Variants in TCF12 observed in about 807,000 individuals in gnomAD.
The protein encoded by TCF12 is transcription factor 12, also known as DNA-binding protein HTF4.
A neutral mutation model predicts 86.0 loss-of-function variants in TCF12; 45 were observed. The observed-to-expected ratio is 0.52, with a 90% CI of 0.41 to 0.67. The LOEUF is 0.67. TCF12 is among the 30% of genes least tolerant of loss of function. TCF12 has a pLI of 0.00. For synonymous variants in TCF12, 330 were observed against 299.6 expected (o/e 1.10, Z -1.05); for missense variants, 881 against 859.9 (o/e 1.02, Z -0.31).
chr15:56,960,677 G>A (rs2061707566), intron 3 of TCF12, among the ~76,000 whole-genome samples: 3 of 151,560 alleles, frequency 2.0e-5, no homozygotes, highest in Admixed American at 2.0e-4. Context: ...TGATCTGCCT[G>A]CCTCGGCTTT....
chr15:57,242,226 G>GT (rs2059665761), intron 12 of TCF12, among the ~76,000 whole-genome samples: 2 of 152,144 alleles, frequency 1.3e-5, no homozygotes, highest in Non-Finnish European at 2.9e-5. Context: ...CTCACAAGTA[G>GT]TTTTCCTTTT....
chr15:57,230,052 G>A (rs527693821), intron 8 of TCF12, among the ~76,000 whole-genome samples: 33 of 151,856 alleles, frequency 2.2e-4, no homozygotes, highest in Non-Finnish European at 3.7e-4. Context: ...TAAAGTAAAA[G>A]TCTTCCTTCC....
intron 3 of TCF12, among the ~76,000 whole-genome samples, chr15:56,958,890 C>T (rs975460280): frequency 6.6e-6 from 1 of 151,924 alleles, no homozygotes; most frequent in South Asian, 2.1e-4. Context: ...AAAATAAATT[C>T]AGCTTTTAAT....
At chr15:57,290,086 T>A (rs1465877499), downstream of TCF12, among the ~76,000 whole-genome samples, 1 of 151,864 alleles carries the variant, frequency 6.6e-6, no homozygotes, top group Non-Finnish European at 1.5e-5. Context: ...GGCTCACGCC[T>A]GTAATCTCAG....
intron 3 of TCF12, among the ~76,000 whole-genome samples, chr15:56,939,975 T>G (rs1218915812): frequency 2.0e-5 from 2 of 100,328 alleles, no homozygotes. Flanking sequence ...GTGTTTTTTT[T>G]TTTTTTTTTT....
chr15:57,029,271 T>G (rs545302614), intron 3 of TCF12, among the ~76,000 whole-genome samples: 8 of 152,300 alleles, frequency 5.3e-5, no homozygotes, highest in African/African-American at 1.7e-4. Flanking sequence ...TTGAAAATCA[T>G]TTGACCACAT....
At chr15:57,212,882 T>G (rs796303906) in intron 8 of TCF12, among the ~76,000 whole-genome samples, 2 of 152,172 alleles carry the variant, frequency 1.3e-5, no homozygotes, top group African/African-American at 4.8e-5. Context: ...TTTAGTGCTC[T>G]TTCGCGTTAC....
At chr15:57,177,482 G>A (rs1260505682) in intron 6 of TCF12, among the ~76,000 whole-genome samples, 2 of 151,908 alleles carry the variant, frequency 1.3e-5, no homozygotes, top group African/African-American at 4.8e-5. Flanking sequence ...TGTTGGCCAG[G>A]CTGCTCTCGA....
At chr15:57,018,269 A>T (rs2065267475) in intron 3 of TCF12, among the ~76,000 whole-genome samples, 1 of 152,178 alleles carries the variant, frequency 6.6e-6, no homozygotes, top group Non-Finnish European at 1.5e-5. Context: ...AATTTTTGTT[A>T]GTTTACAGAA....
intron 6 of TCF12, among the ~76,000 whole-genome samples, chr15:57,166,734 A>T (rs59239112): frequency 6.6e-6 from 1 of 152,170 alleles, no homozygotes; most frequent in Non-Finnish European, 1.5e-5. Context: ...CATTTCTGAG[A>T]AATTTTTTTG....
At chr15:57,177,963 A>T (rs141847042) in intron 6 of TCF12, among the ~76,000 whole-genome samples, 17 of 152,110 alleles carry the variant, frequency 1.1e-4, no homozygotes, top group African/African-American at 4.1e-4. Flanking sequence ...CTCCATGAAA[A>T]TTGATGATTA....
chr15:57,159,406 A>G (rs1265117316), intron 5 of TCF12, among the ~76,000 whole-genome samples: 1 of 152,214 alleles, frequency 6.6e-6, no homozygotes, highest in African/African-American at 2.4e-5. Flanking sequence ...ATTTGCCCAC[A>G]AAAGAGGAGC....
chr15:57,034,942 A>G (rs1036604514), intron 3 of TCF12, among the ~76,000 whole-genome samples: 13 of 152,208 alleles, frequency 8.5e-5, no homozygotes, highest in Admixed American at 8.5e-4. Flanking sequence ...TTTTAGGAAC[A>G]TATAATTTCC....
At chr15:57,158,279 G>A (rs938377859) in intron 5 of TCF12, among the ~76,000 whole-genome samples, 1 of 149,750 alleles carries the variant, frequency 6.7e-6, no homozygotes, top group Admixed American at 6.7e-5. Context: ...CCTGGGCTCA[G>A]GTGATTCTCC....
chr15:57,021,294 T>C (rs1367954263), intron 3 of TCF12, among the ~76,000 whole-genome samples: 1 of 152,196 alleles, frequency 6.6e-6, no homozygotes, highest in Admixed American at 6.5e-5. Flanking sequence ...GAGGCCATTG[T>C]GTCATGCTGA....
At chr15:56,972,416 T>C (rs2062385284) in intron 3 of TCF12, among the ~76,000 whole-genome samples, 1 of 152,212 alleles carries the variant, frequency 6.6e-6, no homozygotes, top group South Asian at 2.1e-4. Flanking sequence ...ATATAAACTA[T>C]GGTATAGCCA....
intron 7 of TCF12, among the ~76,000 whole-genome samples, chr15:57,195,821 A>T (rs2057234882): frequency 6.6e-6 from 1 of 152,088 alleles, no homozygotes. Context: ...TGGGCAACAT[A>T]GTGAAACACC....
At chr15:57,252,698 C>G (rs1458881655) in intron 15 of TCF12, among the ~76,000 whole-genome samples, 1 of 151,982 alleles carries the variant, frequency 6.6e-6, no homozygotes, top group Non-Finnish European at 1.5e-5. Flanking sequence ...CTGGCATGTG[C>G]TTTTGATTTT....
At chr15:57,290,024 T>C (rs1465535782), downstream of TCF12, among the ~76,000 whole-genome samples, 1 of 152,086 alleles carries the variant, frequency 6.6e-6, no homozygotes, top group Non-Finnish European at 1.5e-5. Flanking sequence ...AGGATTTTTT[T>C]TTTTTTTTTA....
Sources: gnomAD v4.1 joint callset for allele counts (sites outside exome capture counted in the v4.1 genomes callset) on GRCh38, gnomAD v4.1.1 for gene constraint, MANE v1.5 for transcripts, NCBI Gene and HGNC (gene_info 2026-07-23, HGNC 2026-07-21) for gene names.